Variants in MTMR6 observed in about 807,000 individuals in gnomAD.
MTMR6 encodes phosphatidylinositol-3,5-bisphosphate 3-phosphatase MTMR6.
A neutral mutation model predicts 80.1 loss-of-function variants in MTMR6; 47 were observed. The observed-to-expected ratio is 0.59, with a 90% CI of 0.46 to 0.75. The LOEUF is 0.75. Among genes scored for constraint, MTMR6 ranks in the 30% least tolerant of loss-of-function variants. The pLI, the probability that MTMR6 is intolerant of heterozygous loss-of-function variation, is 0.00. For missense variants in MTMR6, 629 were observed against 730.9 expected (o/e 0.86, Z 1.61); for synonymous variants, 254 against 253.0 (o/e 1.00, Z -0.04).
chr13:25,287,480 A>G lies in MTMR6; in HGVS notation c.-233T>C. ...CGGGGGACTCGGGGCAGGCAGACAG[A>G]GCGTGTGTGGACCGAGAGCGGCTTG... is the stretch of plus-strand genomic sequence containing the variant. On this transcript the variant is annotated 5_prime_UTR_variant, in exon 1 of 14. Transcript: ENST00000381801. The G allele has an allele frequency of 1.7e-6, 1 of 582,842 alleles. No homozygotes were observed. Among genetic ancestry groups the G allele is most frequent in the Non-Finnish European group, 3.1e-6 (1 of 324,512 alleles). The allele number at this position is 582,842 out of a possible 1,614,324, so 36.1% of individuals were successfully genotyped here.
intron 5 of MTMR6, among the ~76,000 whole-genome samples, chr13:25,262,080 T>G (rs988971384): frequency 3.9e-5 from 6 of 152,220 alleles, no homozygotes; most frequent in Non-Finnish European, 7.3e-5. Flanking sequence ...CTCTGTGAAG[T>G]AACCTACTGT....
At chr13:25,273,407 A>C (rs916652812) in intron 2 of MTMR6, among the ~76,000 whole-genome samples, 17 of 152,194 alleles carry the variant, frequency 1.1e-4, no homozygotes, top group African/African-American at 4.1e-4. Flanking sequence ...CTAGCAAAAA[A>C]AATAAGTACC....
intron 3 of MTMR6, among the ~76,000 whole-genome samples, 176 bp downstream of exon 3, chr13:25,267,603 A>G (rs762953578): frequency 1.1e-4 from 17 of 152,214 alleles, no homozygotes; most frequent in Non-Finnish European, 2.4e-4. Flanking sequence ...CACCATTCTT[A>G]TATCAGATCA....
In MTMR6 at chr13:25,287,330, A is replaced by G. The variant is rs1957974737; in HGVS notation, c.-83T>C. 17 of 1,519,088 alleles carry G rather than the reference A, an allele frequency of 1.1e-5. No homozygotes were observed. The South Asian group carries it at 2.0e-4, about 18-fold the overall frequency. The allele number at this position is 1,519,088 out of a possible 1,614,324, so 94.1% of individuals were successfully genotyped here. A position where few individuals can be genotyped will look rare whatever the true frequency, so the allele number is the denominator to read the frequency against. On this transcript the variant is annotated 5_prime_UTR_variant, in exon 1 of 14. Coordinates refer to ENST00000381801, the MANE Select transcript of MTMR6 (RefSeq NM_004685.5). ...CAGGGCGGTGACAGCGACAGAGAGC[A>G]AGCGGGAACTCCCTCCACCAGCCAG...
intron 5 of MTMR6, among the ~76,000 whole-genome samples, chr13:25,264,878 AACTT>A (rs373266223): frequency 1.4e-4 from 21 of 152,198 alleles, no homozygotes; most frequent in African/African-American, 4.6e-4. Context: ...AGAATTCCTC[AACTT>A]ACTTGCTGTG....
At chr13:25,276,774 G>A (rs1957737200) in intron 1 of MTMR6, among the ~76,000 whole-genome samples, 1 of 152,190 alleles carries the variant, frequency 6.6e-6, no homozygotes, top group Admixed American at 6.5e-5. Context: ...CACACTGTCT[G>A]CTACACAGAT....
At chr13:25,252,750 G>C (rs1957118242) in intron 11 of MTMR6, among the ~76,000 whole-genome samples, 1 of 152,060 alleles carries the variant, frequency 6.6e-6, no homozygotes, top group Admixed American at 6.5e-5. Flanking sequence ...AGTTACCTCT[G>C]TGCTCCAAAT....
At chr13:25,264,702 C>A (rs1398408391) in intron 5 of MTMR6, among the ~76,000 whole-genome samples, 2 of 146,938 alleles carry the variant, frequency 1.4e-5, no homozygotes, top group Non-Finnish European at 3.0e-5. Context: ...TTGCTGTGAG[C>A]CGAGATCACG....
In MTMR6 at chr13:25,258,648, A is replaced by G. The variant is rs1390278838; in HGVS notation, c.771T>C (p.Asn257=). Reference sequence around the variant, plus strand: ...ATCTAATATTGGAATAGTTGTCTTCATTTTCATAACCTTTTCCAGCTGCTC... The same window carrying G: ...ATCTAATATTGGAATAGTTGTCTTCGTTTTCATAACCTTTTCCAGCTGCTC... ...ANRAAGKGYE[N]EDNYSNIRFQ... is the part of the protein sequence containing the mutation. The change falls in exon 7 of 14, where the codon AAT becomes AAC. Residue 257 remains asparagine, a synonymous_variant. Transcript: ENST00000381801. The G allele has an allele frequency of 6.9e-6, 11 of 1,596,486 alleles. No individual in the cohort carries two copies. Among genetic ancestry groups the G allele is most frequent in the Non-Finnish European group, 9.4e-6 (11 of 1,175,308 alleles).
At position 25,251,754 on chromosome 13, in the gene MTMR6, A is replaced by G. The variant is rs1957093600; in HGVS notation, c.1500T>C (p.His500=). The G allele has an allele frequency of 1.2e-6, 2 of 1,605,834 alleles. No individual in the cohort carries two copies. The highest frequency in any genetic ancestry group is 1.7e-6 in the Non-Finnish European group (2 of 1,176,286). Residue 500 remains histidine (H), a synonymous_variant, in exon 13 of 14, where the codon CAT becomes CAC. Transcript: ENST00000381801. The surrounding 1 kb of genome is among the most constrained non-coding windows in gnomAD (Gnocchi z 4.1). The part of the protein sequence containing the change: ...FNFKFWRNMY[H]QFDRTLHPRQ... Reference sequence around the variant, plus strand: ...TAGGATGCAGTGTTCGATCAAATTGATGGTACATGTTCCTCCAAAACCTTT... The same window carrying G: ...TAGGATGCAGTGTTCGATCAAATTGGTGGTACATGTTCCTCCAAAACCTTT...
Position 25,253,815 on chromosome 13 carries a change from C to T in MTMR6, c.1295G>A (p.Cys432Tyr). Residue 432 changes from cysteine (C) to tyrosine (Y), a missense_variant, in exon 11 of 14, where the codon TGC becomes TAC. Physicochemically the swap from Cys to Tyr is radical, Grantham distance 194. Coordinates refer to ENST00000381801, the MANE Select transcript of MTMR6 (RefSeq NM_004685.5). ...ATTTCCAAGGAAGTTTCCAAACTGGCATGAATGAATATGCTCATGGATCTG... is the reference window on the plus strand; with the variant it reads ...ATTTCCAAGGAAGTTTCCAAACTGGTATGAATGAATATGCTCATGGATCTG... ...LLQIHEHIHS[C>Y]QFGNFLGNCQ... The T allele has an allele frequency of 6.2e-7, 1 of 1,614,082 alleles. No homozygotes were observed. The highest frequency in any genetic ancestry group is 8.5e-7 in the Non-Finnish European group (1 of 1,180,000).
At chr13:25,250,203 A>AAT (rs1170714380) in intron 13 of MTMR6, among the ~76,000 whole-genome samples, 2 of 152,146 alleles carry the variant, frequency 1.3e-5, no homozygotes, top group African/African-American at 2.4e-5. Flanking sequence ...GGATTTAAAA[A>AAT]ATATATATAT....
At chr13:25,257,043 G>A (rs1291270936) in intron 9 of MTMR6, among the ~76,000 whole-genome samples, 153 bp downstream of exon 9, 1 of 152,146 alleles carries the variant, frequency 6.6e-6, no homozygotes, top group Admixed American at 6.6e-5. Flanking sequence ...ATTATAAAAT[G>A]TTTAGTTAGC....
At chr13:25,254,538 T>G in intron 9 of MTMR6, 104 bp from the exon 10 acceptor site, 1 of 779,332 alleles carries the variant, frequency 1.3e-6, no homozygotes, top group Admixed American at 3.1e-5. Context: ...TGTACACTTT[T>G]AACTTATAAA....
At chr13:25,271,653 G>C (rs974015796) in intron 2 of MTMR6, among the ~76,000 whole-genome samples, 3 of 152,150 alleles carry the variant, frequency 2.0e-5, no homozygotes, top group Non-Finnish European at 2.9e-5. Flanking sequence ...TTTCTGCTTA[G>C]CACTTATCAC....
chr13:25,261,621 A>G (rs750138247), intron 6 of MTMR6, 47 bp downstream of exon 6: 5 of 1,435,234 alleles, frequency 3.5e-6, no homozygotes, highest in Non-Finnish European at 4.6e-6. Context: ...AAGTAAAGTA[A>G]TAAAAATAAT....
chr13:25,258,130 T>G (rs146052229), intron 7 of MTMR6, among the ~76,000 whole-genome samples: 13 of 152,328 alleles, frequency 8.5e-5, no homozygotes, highest in African/African-American at 3.1e-4. Context: ...ATACTATGAC[T>G]GGAATATTTA....
intron 1 of MTMR6, among the ~76,000 whole-genome samples, chr13:25,275,583 C>A (rs932651395): frequency 1.3e-5 from 2 of 151,576 alleles, no homozygotes; most frequent in African/African-American, 4.9e-5. Flanking sequence ...TCATTACCGC[C>A]GGGTGTGGTG....
chr13:25,271,614 C>T (rs1206873696), intron 2 of MTMR6, among the ~76,000 whole-genome samples: 1 of 152,156 alleles, frequency 6.6e-6, no homozygotes, highest in East Asian at 1.9e-4. Context: ...GACACAAGCC[C>T]CATATTCTAA....
Sources: gnomAD v4.1 joint callset for allele counts (sites outside exome capture counted in the v4.1 genomes callset) on GRCh38, gnomAD v4.1.1 for gene constraint, Gnocchi (gnomAD v3.1) non-coding constraint, MANE v1.5 for transcripts, NCBI Gene and HGNC (gene_info 2026-07-23, HGNC 2026-07-21) for gene names.